ZFHX3: variants seen among roughly 807,000 people sequenced by gnomAD.
ZFHX3 encodes zinc finger homeobox 3, also known as zinc finger homeobox protein 3.
In ZFHX3, 42 loss-of-function variants were observed where a neutral mutation model predicts 279.1. That is an observed-to-expected ratio of 0.15 (90% CI 0.12 to 0.19). ZFHX3 has a LOEUF of 0.19. ZFHX3 is among the 10% of genes least tolerant of loss of function. The pLI is 1.00. For missense variants in ZFHX3, 4,981 were observed against 4,754.0 expected, an observed-to-expected ratio of 1.05 and a Z score of -1.40; for synonymous variants, 2,293 against 1,957.8, an observed-to-expected ratio of 1.17 and a Z score of -4.52.
At chr16:73,474,861 G>A (rs2018738086) in intron 2 of ZFHX3, among the ~76,000 whole-genome samples, 1 of 152,234 alleles carries the variant, frequency 6.6e-6, no homozygotes, top group South Asian at 2.1e-4. Context: ...GCGGGTAAGA[G>A]ATGAGTGGGT....
intron 3 of ZFHX3, among the ~76,000 whole-genome samples, chr16:72,904,192 C>T (rs1275978445): frequency 6.6e-6 from 1 of 151,890 alleles, no homozygotes; most frequent in Non-Finnish European, 1.5e-5. Flanking sequence ...ATGGCAAAAC[C>T]CCACCTCTAC....
intron 3 of ZFHX3, chr16:73,387,124 A>G (rs991041382): frequency 6.6e-6 from 1 of 152,190 alleles, no homozygotes; most frequent in African/African-American, 2.4e-5. Context: ...AGCATATTGT[A>G]TGAGACTGTG....
chr16:72,959,655 C>T lies in ZFHX3; in HGVS notation c.491G>A (p.Gly164Glu). ...GGACGSGSGS[G>E]PLPSLFLNSL... ...GTTCAGGAAAAGCGAGGGGAGAGGCCCACTGCCACTGCCACTCCCACAGGC... is the reference window on the plus strand; with the variant it reads ...GTTCAGGAAAAGCGAGGGGAGAGGCTCACTGCCACTGCCACTCCCACAGGC... The change falls in exon 2 of 10, where the codon GGG (glycine) becomes GAG (glutamate). Residue 164 changes from glycine to glutamate, a missense_variant. Physicochemically the swap from Gly to Glu is moderately conservative, Grantham distance 98. Around this residue, in one of 7 missense-constraint regions of ZFHX3, gnomAD observed 1,068 missense variants for 935.2 expected, o/e 1.14. Coordinates refer to ENST00000268489, the MANE Select transcript of ZFHX3 (RefSeq NM_006885.4). The T allele has an allele frequency of 6.2e-7, 1 of 1,613,344 alleles. No individual in the cohort carries two copies.
At chr16:73,547,582 A>G (rs1419469014) in intron 2 of ZFHX3, among the ~76,000 whole-genome samples, 1 of 152,136 alleles carries the variant, frequency 6.6e-6, no homozygotes, top group Non-Finnish European at 1.5e-5. Flanking sequence ...AAGAGGGGAG[A>G]GACAGCTTTC....
At chr16:72,931,130 C>T (rs1182656180) in intron 3 of ZFHX3, among the ~76,000 whole-genome samples, 1 of 152,100 alleles carries the variant, frequency 6.6e-6, no homozygotes, top group Non-Finnish European at 1.5e-5. Flanking sequence ...AAACTCAGTC[C>T]TCCTAGTACC....
intron 1 of ZFHX3, among the ~76,000 whole-genome samples, chr16:73,054,372 G>GC (rs1344875315): frequency 1.5e-5 from 1 of 66,092 alleles, no homozygotes; most frequent in African/African-American, 6.0e-5. Flanking sequence ...CCCCACACCC[G>GC]CCCCCCTACT....
intron 2 of ZFHX3, among the ~76,000 whole-genome samples, chr16:73,622,762 G>A (rs562094365): frequency 2.4e-4 from 36 of 152,234 alleles, no homozygotes; most frequent in African/African-American, 8.7e-4. Context: ...GCAGCTCTAA[G>A]GGCACCCTGC....
intron 5 of ZFHX3, among the ~76,000 whole-genome samples, chr16:73,196,687 G>A (rs1487763086): frequency 1.3e-5 from 2 of 152,064 alleles, no homozygotes; most frequent in Admixed American, 6.6e-5. Context: ...ATATTTGAAT[G>A]ACTGGTCTGT....
At chr16:72,938,430 T>C (rs1960235827) in intron 3 of ZFHX3, among the ~76,000 whole-genome samples, 1 of 152,184 alleles carries the variant, frequency 6.6e-6, no homozygotes, top group South Asian at 2.1e-4. Flanking sequence ...CCCAGGTGAC[T>C]TGATTCCAAA....
At chr16:73,043,930 G>A (rs1346180683) in intron 1 of ZFHX3, among the ~76,000 whole-genome samples, 1 of 152,174 alleles carries the variant, frequency 6.6e-6, no homozygotes, top group Non-Finnish European at 1.5e-5. Context: ...TTTCAAAGTG[G>A]CTTGCCAATG....
At chr16:73,362,598 G>T (rs1360213007) in intron 3 of ZFHX3, among the ~76,000 whole-genome samples, 1 of 152,252 alleles carries the variant, frequency 6.6e-6, no homozygotes, top group Non-Finnish European at 1.5e-5. Flanking sequence ...AACCACCGAT[G>T]AATTCATCTA....
At chr16:72,845,270 C>A (rs2037450062) in intron 4 of ZFHX3, among the ~76,000 whole-genome samples, 1 of 152,170 alleles carries the variant, frequency 6.6e-6, no homozygotes, top group Non-Finnish European at 1.5e-5. Context: ...AACCCCCTCC[C>A]CCTGCCACCA....
chr16:73,522,045 T>A (rs773061445), intron 2 of ZFHX3, among the ~76,000 whole-genome samples: 1 of 152,210 alleles, frequency 6.6e-6, no homozygotes, highest in Non-Finnish European at 1.5e-5. Context: ...GAAGCTCTGA[T>A]TGTCAGTTAT....
At chr16:73,231,326 C>T (rs552817696) in intron 5 of ZFHX3, among the ~76,000 whole-genome samples, 1 of 152,284 alleles carries the variant, frequency 6.6e-6, no homozygotes, top group South Asian at 2.1e-4. Flanking sequence ...GACGAGAGAA[C>T]CGAGGGGACA....
intron 1 of ZFHX3, among the ~76,000 whole-genome samples, chr16:73,733,012 T>G (rs2142251163): frequency 6.6e-6 from 1 of 152,322 alleles, no homozygotes; most frequent in South Asian, 2.1e-4. Context: ...CTACAGCAGT[T>G]TATTTATTTT....
intron 5 of ZFHX3, among the ~76,000 whole-genome samples, chr16:73,175,750 A>G (rs537646515): frequency 6.6e-6 from 1 of 152,252 alleles, no homozygotes; most frequent in East Asian, 1.9e-4. Context: ...TCAAGTTTAC[A>G]TGTTAACTCT....
At position 72,794,878 on chromosome 16, in the gene ZFHX3, T is replaced by A. The variant is rs2143408423; in HGVS notation, c.7804A>T (p.Thr2602Ser). The A allele has an allele frequency of 5.0e-6, 8 of 1,613,978 alleles. No homozygotes were observed. Among genetic ancestry groups the A allele is most frequent in the African/African-American group, 1.3e-5 (1 of 75,020 alleles). The change falls in exon 9 of 10, where the codon ACT (threonine) becomes TCT (serine). Residue 2602 changes from threonine to serine, a missense_variant. Coordinates refer to ENST00000268489, the MANE Select transcript of ZFHX3 (RefSeq NM_006885.4). This position sits in a 1 kb window ranked among gnomAD's most constrained non-coding sequence, Gnocchi z 4.2. ...GTGGAGGTTGGAGTTGAAGGAGAAG[T>A]GGCTGAGCTTGCTGGAATCTGAGGT... The part of the protein sequence containing the change: ...AIPQIPASSA[T>S]SPSTPTSTMN...
intron 2 of ZFHX3, among the ~76,000 whole-genome samples, chr16:73,471,199 A>G (rs1312117834): frequency 6.6e-6 from 1 of 152,230 alleles, no homozygotes; most frequent in Non-Finnish European, 1.5e-5. Flanking sequence ...TGCTCTTAGG[A>G]TGTGTAACTG....
chr16:73,424,753 CAAAAAAAAAA>C (rs71156163), intron 3 of ZFHX3, among the ~76,000 whole-genome samples: 13 of 95,796 alleles, frequency 1.4e-4, no homozygotes, highest in South Asian at 8.5e-4. Context: ...TACCCTGTGT[CAAAAAAAAAA>C]AAAAAAAAAA....
Sources: allele counts gnomAD v4.1 joint callset (sites outside exome capture counted in the v4.1 genomes callset), GRCh38; gene constraint gnomAD v4.1.1; regional missense constraint gnomAD v4.1.1; non-coding constraint Gnocchi (gnomAD v3.1); transcripts MANE v1.5; gene names NCBI Gene and HGNC (gene_info 2026-07-23, HGNC 2026-07-21).